TCERG1L: variants seen among roughly 807,000 people sequenced by gnomAD.
The protein encoded by TCERG1L is transcription elongation regulator 1-like protein.
A neutral mutation model predicts 56.3 loss-of-function variants in TCERG1L; 37 were observed. The observed-to-expected ratio is 0.66, with a 90% CI of 0.51 to 0.87. The LOEUF is 0.87. Ranked by LOEUF, TCERG1L falls within the 40% of genes least tolerant of loss-of-function variation. The probability of loss-of-function intolerance (pLI) is 0.00; values close to 1 mark genes in which losing one functional copy is unlikely to be tolerated. For synonymous variants in TCERG1L, 324 were observed against 326.3 expected, an observed-to-expected ratio of 0.99 and a Z score of 0.08; for missense variants, 799 against 774.2, an observed-to-expected ratio of 1.03 and a Z score of -0.38.
At chr10:131,171,117 C>G (rs11815607) in intron 4 of TCERG1L, among the ~76,000 whole-genome samples, 1,511 of 150,864 alleles carry the variant, frequency 0.01, 35 homozygotes, top group African/African-American at 0.035. Context: ...TGCATTCCAG[C>G]CTGGGTGACA....
At chr10:131,156,556 A>G (rs563125067) in intron 6 of TCERG1L, among the ~76,000 whole-genome samples, 2 of 152,296 alleles carry the variant, frequency 1.3e-5, no homozygotes, top group East Asian at 3.9e-4. Context: ...CAAAGAAAGA[A>G]AAAGTAAAAA....
intron 4 of TCERG1L, among the ~76,000 whole-genome samples, chr10:131,188,312 C>T (rs1047386666): frequency 1.3e-5 from 2 of 152,236 alleles, no homozygotes; most frequent in African/African-American, 4.8e-5. Flanking sequence ...AAAACGGGCA[C>T]GCGCTCCTCA....
chr10:131,254,984 G>A (rs2133536823), intron 4 of TCERG1L, among the ~76,000 whole-genome samples: 1 of 152,236 alleles, frequency 6.6e-6, no homozygotes, highest in Non-Finnish European at 1.5e-5. Flanking sequence ...CCAGGAGGAG[G>A]CAGAGGCTGG....
chr10:131,120,354 A>C (rs1392109288), intron 8 of TCERG1L, among the ~76,000 whole-genome samples: 2 of 152,172 alleles, frequency 1.3e-5, no homozygotes, highest in African/African-American at 2.4e-5. Flanking sequence ...TTTGTGAACA[A>C]GACACTTTAA....
chr10:131,266,812 C>G (rs189166465), intron 3 of TCERG1L, among the ~76,000 whole-genome samples: 2 of 152,288 alleles, frequency 1.3e-5, no homozygotes, highest in African/African-American at 2.4e-5. Flanking sequence ...GTCCCTACAT[C>G]TGCTGCTCTC....
intron 4 of TCERG1L, among the ~76,000 whole-genome samples, chr10:131,176,859 GAGAC>G (rs1846161829): frequency 1.4e-5 from 1 of 71,466 alleles, no homozygotes; most frequent in African/African-American, 8.5e-5. Context: ...GGAACACACA[GAGAC>G]ACGTGCACAC....
chr10:131,177,017 CAG>C (rs1413435732), intron 4 of TCERG1L, among the ~76,000 whole-genome samples: 6 of 142,298 alleles, frequency 4.2e-5, no homozygotes. Flanking sequence ...CATGCACACA[CAG>C]ATACGTGTAT....
At chr10:131,284,985 T>C (rs1036845716) in intron 3 of TCERG1L, among the ~76,000 whole-genome samples, 4 of 152,120 alleles carry the variant, frequency 2.6e-5, no homozygotes, top group Non-Finnish European at 5.9e-5. Context: ...TCTAACATTG[T>C]AAAATTCTTC....
At chr10:131,131,286 G>A (rs2133401821) in intron 8 of TCERG1L, among the ~76,000 whole-genome samples, 1 of 152,216 alleles carries the variant, frequency 6.6e-6, no homozygotes, top group South Asian at 2.1e-4. Context: ...AGGAGGGAGG[G>A]AACTGTTCAC....
intron 3 of TCERG1L, among the ~76,000 whole-genome samples, chr10:131,268,121 C>A (rs1460872162): frequency 1.3e-5 from 2 of 152,188 alleles, no homozygotes; most frequent in Non-Finnish European, 2.9e-5. Context: ...CGGCCTTGAG[C>A]AGCTGCAGTG....
chr10:131,139,552 A>G (rs1420336450), intron 7 of TCERG1L, among the ~76,000 whole-genome samples: 1 of 152,200 alleles, frequency 6.6e-6, no homozygotes, highest in East Asian at 1.9e-4. Flanking sequence ...CAGCATGTCA[A>G]TCTCTAACAT....
intron 4 of TCERG1L, among the ~76,000 whole-genome samples, chr10:131,186,449 A>G (rs1177469321): frequency 1.3e-5 from 2 of 152,210 alleles, no homozygotes; most frequent in Non-Finnish European, 2.9e-5. Flanking sequence ...AACTCATAAG[A>G]GGTCCAAAGA....
intron 6 of TCERG1L, among the ~76,000 whole-genome samples, chr10:131,157,590 CA>C (rs1228012461): frequency 1.6e-3 from 219 of 139,768 alleles, no homozygotes; most frequent in Middle Eastern, 0.011. Context: ...AGCCAAATTA[CA>C]AAAAAAAAAG....
At chr10:131,300,421 T>A (rs1253815901) in intron 3 of TCERG1L, among the ~76,000 whole-genome samples, 1 of 152,208 alleles carries the variant, frequency 6.6e-6, no homozygotes, top group East Asian at 1.9e-4. Flanking sequence ...AGGCGTTCCA[T>A]GTTTTCAGTT....
chr10:131,238,183 G>T lies in TCERG1L; in HGVS notation c.856+22076C>A, dbSNP rs188182067. Among the ~76,000 whole-genome samples the T allele has an allele frequency of 3.5e-3, 536 of 152,240 alleles. 11 individuals carry two copies. In the East Asian group the frequency reaches 0.066, roughly 19 times the overall value. Reference sequence around the variant, plus strand: ...AGTCTGGAAAGGCCCACAGACCTGGGTCCGCTCCGGCAGGATCTCAGGAAA... The same window carrying T: ...AGTCTGGAAAGGCCCACAGACCTGGTTCCGCTCCGGCAGGATCTCAGGAAA... On this transcript the variant is annotated intron_variant, in intron 4 of 11. Coordinates refer to ENST00000368642, the MANE Select transcript of TCERG1L (RefSeq NM_174937.4).
At chr10:131,268,381 A>G (rs1252262131) in intron 3 of TCERG1L, among the ~76,000 whole-genome samples, 2 of 152,240 alleles carry the variant, frequency 1.3e-5, no homozygotes, top group Non-Finnish European at 2.9e-5. Context: ...TTCCATTTAT[A>G]GCACACAGGC....
At chr10:131,280,656 C>T (rs560053985) in intron 3 of TCERG1L, among the ~76,000 whole-genome samples, 1 of 152,220 alleles carries the variant, frequency 6.6e-6, no homozygotes, top group East Asian at 1.9e-4. Flanking sequence ...ATTTTCCTTT[C>T]ACGTTTCAAT....
At chr10:131,122,119 A>C (rs1845520823) in intron 8 of TCERG1L, among the ~76,000 whole-genome samples, 1 of 152,210 alleles carries the variant, frequency 6.6e-6, no homozygotes. Flanking sequence ...TTCGGAACCT[A>C]AAATGTTAGG....
chr10:131,253,449 A>T (rs1846132518), intron 4 of TCERG1L, among the ~76,000 whole-genome samples: 1 of 151,960 alleles, frequency 6.6e-6, no homozygotes, highest in Non-Finnish European at 1.5e-5. Flanking sequence ...AAAATTTTGG[A>T]TTCTGGGAAA....
Sources: gnomAD v4.1 joint callset for allele counts (sites outside exome capture counted in the v4.1 genomes callset) on GRCh38, gnomAD v4.1.1 for gene constraint, MANE v1.5 for transcripts, NCBI Gene and HGNC (gene_info 2026-07-23, HGNC 2026-07-21) for gene names.